Variants in SERTAD2 observed in about 807,000 individuals in gnomAD.
SERTAD2 encodes SERTA domain-containing protein 2.
In SERTAD2, 2 loss-of-function variants were observed where a neutral mutation model predicts 15.4. The ratio of observed to expected loss-of-function variants is 0.13; its 90% CI spans 0.05 to 0.41. The LOEUF (loss-of-function observed/expected upper bound fraction) is 0.41. Ranked by LOEUF, SERTAD2 falls within the 10% of genes least tolerant of loss-of-function variation. SERTAD2 has a pLI of 0.99. For missense variants in SERTAD2, 333 were observed against 409.7 expected, an observed-to-expected ratio of 0.81 and a Z score of 1.62; for synonymous variants, 180 against 178.0, an observed-to-expected ratio of 1.01 and a Z score of -0.09.
intron 1 of SERTAD2, among the ~76,000 whole-genome samples, chr2:64,651,175 T>A (rs1279634283): frequency 6.6e-6 from 1 of 152,204 alleles, no homozygotes; most frequent in Non-Finnish European, 1.5e-5. Flanking sequence ...AAATATAAAA[T>A]AAAGCTTCAT....
chr2:64,645,938 T>C (rs1674891518), intron 1 of SERTAD2, among the ~76,000 whole-genome samples: 3 of 32,616 alleles, frequency 9.2e-5, no homozygotes, highest in Non-Finnish European at 2.2e-4. Context: ...TATGGTACAC[T>C]TGATTTAAAA....
In SERTAD2 at chr2:64,636,514, G is replaced by C; in HGVS notation, c.358C>G (p.Leu120Val). Residue 120 changes from leucine (L) to valine (V), a missense_variant, in exon 2 of 2, where the codon CTC (leucine) becomes GTC (valine). By Grantham distance (32) the Leu-to-Val change is conservative (BLOSUM62 1). This residue lies in a region of SERTAD2 where 332 missense variants were observed against 392.9 expected (regional missense o/e 0.84). Coordinates refer to ENST00000313349, the MANE Select transcript of SERTAD2 (RefSeq NM_014755.3). ...LASPSSHPCD[L>V]GSTTPLEACL... ...GCCTCCAGGGGCGTAGTGCTTCCGAGGTCGCAGGGGTGGGAGGACGGGGAC... is the reference window on the plus strand; with the variant it reads ...GCCTCCAGGGGCGTAGTGCTTCCGACGTCGCAGGGGTGGGAGGACGGGGAC... 6.2e-7 allele frequency: 1 copy of C among 1,606,822 alleles called. No individual in the cohort carries two copies.
intron 1 of SERTAD2, among the ~76,000 whole-genome samples, chr2:64,638,032 C>T (rs542998285): frequency 6.6e-6 from 1 of 152,354 alleles, no homozygotes; most frequent in Admixed American, 6.5e-5. Context: ...TAACAAGAAA[C>T]CTGTCTTTTG....
At chr2:64,643,193 C>T (rs1674813083) in intron 1 of SERTAD2, among the ~76,000 whole-genome samples, 1 of 152,210 alleles carries the variant, frequency 6.6e-6, no homozygotes, top group Non-Finnish European at 1.5e-5. Context: ...CTGGTTTGTA[C>T]CTTGTGTACG....
chr2:64,641,195 G>A (rs763904757), intron 1 of SERTAD2, among the ~76,000 whole-genome samples: 8 of 152,198 alleles, frequency 5.3e-5, no homozygotes, highest in Non-Finnish European at 1.2e-4. Flanking sequence ...GAAGGACCCT[G>A]CCTTCAAAAG....
Position 64,633,571 on chromosome 2 carries a change from G to A in SERTAD2, c.*2356C>T, listed in dbSNP as rs1029912195. The A allele has an allele frequency of 1.3e-5, 2 of 152,160 alleles. No homozygotes were observed. The highest frequency in any genetic ancestry group is 2.4e-5 in the African/African-American group (1 of 41,414). The allele number at this position is 152,160 out of a possible 1,614,324, so 9.4% of individuals were successfully genotyped here. A position where few individuals can be genotyped will look rare whatever the true frequency, so the allele number is the denominator to read the frequency against. On this transcript the variant is annotated 3_prime_UTR_variant, in exon 2 of 2. Coordinates refer to ENST00000313349, the MANE Select transcript of SERTAD2 (RefSeq NM_014755.3). ...ACGTAGGTAGATGTGTGCAGCATGCGGCAGGTTTGCCAGGTCCTCCAGTTA... is the reference window on the plus strand; with the variant it reads ...ACGTAGGTAGATGTGTGCAGCATGCAGCAGGTTTGCCAGGTCCTCCAGTTA...
intron 1 of SERTAD2, among the ~76,000 whole-genome samples, chr2:64,645,222 C>A (rs1331964707): frequency 6.6e-6 from 1 of 152,166 alleles, no homozygotes; most frequent in Non-Finnish European, 1.5e-5. Flanking sequence ...TAACCCGATA[C>A]CACTGTTTGC....
chr2:64,641,989 G>A (rs1674787622), intron 1 of SERTAD2, among the ~76,000 whole-genome samples: 1 of 152,156 alleles, frequency 6.6e-6, no homozygotes, highest in South Asian at 2.1e-4. Flanking sequence ...GGGTGATGCT[G>A]GTCTGGGAAC....
chr2:64,641,486 G>A (rs941177879), intron 1 of SERTAD2, among the ~76,000 whole-genome samples: 4 of 152,178 alleles, frequency 2.6e-5, no homozygotes, highest in African/African-American at 9.7e-5. Flanking sequence ...GCCCCCTAGG[G>A]CACAGACGGT....
chr2:64,638,633 T>A (rs1372403293), intron 1 of SERTAD2, among the ~76,000 whole-genome samples: 1 of 152,222 alleles, frequency 6.6e-6, no homozygotes, highest in Non-Finnish European at 1.5e-5. Context: ...GATTTGTTAA[T>A]ACTTATGAAG....
chr2:64,645,387 AAGAAG>A (rs374492789), intron 1 of SERTAD2, among the ~76,000 whole-genome samples: 2,775 of 41,494 alleles, frequency 0.067, 81 homozygotes, highest in African/African-American at 0.13. Flanking sequence ...GAAGAAGAAG[AAGAAG>A]AAAAAAAAAG....
At position 64,633,862 on chromosome 2, in the gene SERTAD2, A is replaced by G. The variant is rs1383916997; in HGVS notation, c.*2065T>C. ...TTTAAAACACATTCAAGTGGGGGGAAAAAGTAAATTAGAATGTAGAAAGCC... is the reference window on the plus strand; with the variant it reads ...TTTAAAACACATTCAAGTGGGGGGAGAAAGTAAATTAGAATGTAGAAAGCC... On this transcript the variant is annotated 3_prime_UTR_variant, in exon 2 of 2. Coordinates refer to ENST00000313349, the MANE Select transcript of SERTAD2 (RefSeq NM_014755.3). 1 of 152,488 alleles carries G rather than the reference A, an allele frequency of 6.6e-6. No individual in the cohort carries two copies. The highest frequency in any genetic ancestry group is 1.5e-5 in the Non-Finnish European group (1 of 68,046). The allele number at this position is 152,488 out of a possible 1,614,324, so 9.4% of individuals were successfully genotyped here. A position where few individuals can be genotyped will look rare whatever the true frequency, so the allele number is the denominator to read the frequency against.
At chr2:64,646,412 T>C (rs1326689114) in intron 1 of SERTAD2, 2 of 152,188 alleles carry the variant, frequency 1.3e-5, no homozygotes, top group Non-Finnish European at 2.9e-5. Flanking sequence ...GTTTTTTTTT[T>C]TTCTTCACAC....
In SERTAD2 at chr2:64,636,296, C is replaced by T. The variant is rs759971558; in HGVS notation, c.576G>A (p.Ala192=). 6.1e-5 allele frequency: 99 copies of T among 1,614,076 alleles called. No individual in the cohort carries two copies. Among genetic ancestry groups the T allele is most frequent in the Admixed American group, 1.2e-4 (7 of 60,008 alleles). The change falls in exon 2 of 2, where the codon GCG becomes GCA. Residue 192 remains alanine, a synonymous_variant. Transcript: ENST00000313349. The stretch of plus-strand genomic sequence containing the variant: ...TGGAGGTCCCTTTCACACTGTCAGT[C>T]GCAGCCGTGGCCGCCTCTGTGGAGG... ...TSTSTEAATA[A]TDSVKGTSSE... is the part of the protein sequence containing the mutation.
chr2:64,638,930 T>C (rs1674716060), intron 1 of SERTAD2, among the ~76,000 whole-genome samples: 1 of 152,170 alleles, frequency 6.6e-6, no homozygotes, highest in African/African-American at 2.4e-5. Context: ...TCATCTCATA[T>C]TGCAAAACGT....
At position 64,633,768 on chromosome 2, in the gene SERTAD2, A is replaced by G. The variant is rs906153815; in HGVS notation, c.*2159T>C. 1.3e-5 allele frequency: 2 copies of G among 152,228 alleles called. No homozygotes were observed. The highest frequency in any genetic ancestry group is 6.5e-5 in the Admixed American group (1 of 15,272). The allele number at this position is 152,228 out of a possible 1,614,324, so 9.4% of individuals were successfully genotyped here. A position where few individuals can be genotyped will look rare whatever the true frequency, so the allele number is the denominator to read the frequency against. ...GTAGCAGTACGAGGTGTCTGCGTGG[A>G]GGTTGCTTGTAGGAGAACAAGTGCA... On this transcript the variant is annotated 3_prime_UTR_variant, in exon 2 of 2. Transcript: ENST00000313349.
chr2:64,631,817 C>T lies in SERTAD2; in HGVS notation c.*4110G>A, dbSNP rs958857975. 5 of 152,124 alleles carry T rather than the reference C, an allele frequency of 3.3e-5. No individual in the cohort carries two copies. Among genetic ancestry groups the T allele is most frequent in the Non-Finnish European group, 5.9e-5 (4 of 68,038 alleles). The allele number at this position is 152,124 out of a possible 1,614,324, so 9.4% of individuals were successfully genotyped here. A position where few individuals can be genotyped will look rare whatever the true frequency, so the allele number is the denominator to read the frequency against. On this transcript the variant is annotated 3_prime_UTR_variant, in exon 2 of 2. Transcript: ENST00000313349. ...TCAGGTCTGTGGGGGAAAGGTTATA[C>T]CTCCTTTTTGACAAAAGCCCTCCTC...
intron 1 of SERTAD2, among the ~76,000 whole-genome samples, chr2:64,645,143 G>A (rs796828993): frequency 1.8e-4 from 28 of 152,024 alleles, no homozygotes; most frequent in Middle Eastern, 3.4e-3. Flanking sequence ...TAACAAATCA[G>A]CAATGTAATT....
chr2:64,651,085 G>A (rs188533892), intron 1 of SERTAD2, among the ~76,000 whole-genome samples: 5 of 152,292 alleles, frequency 3.3e-5, no homozygotes, highest in African/African-American at 1.2e-4. Context: ...AAAGTTCATG[G>A]CCCCAAATAC....
Sources: allele counts gnomAD v4.1 joint callset (sites outside exome capture counted in the v4.1 genomes callset), GRCh38; gene constraint gnomAD v4.1.1; regional missense constraint gnomAD v4.1.1; transcripts MANE v1.5; gene names NCBI Gene and HGNC (gene_info 2026-07-23, HGNC 2026-07-21).